The following POLA2 variants were observed in gnomAD, a reference collection of about 807,000 sequenced individuals.
POLA2 encodes the protein DNA polymerase alpha 2, accessory subunit, also known as DNA polymerase alpha subunit B.
Under a neutral mutation model 82.8 loss-of-function variants are expected in POLA2, and 47 were observed. The observed-to-expected ratio is 0.57, with a 90% CI of 0.45 to 0.72. The LOEUF (loss-of-function observed/expected upper bound fraction) is 0.72. Ranked by LOEUF, POLA2 falls within the 30% of genes least tolerant of loss-of-function variation. POLA2 has a pLI of 0.00. For synonymous variants in POLA2, 287 were observed against 286.8 expected (o/e 1.00, Z -0.01); for missense variants, 634 against 728.1 (o/e 0.87, Z 1.49).
chr11:65,287,643 A>G (rs1949711010), intron 10 of POLA2, 73 bp from the exon 11 acceptor site: 2 of 1,358,864 alleles, frequency 1.5e-6, no homozygotes, highest in African/African-American at 1.4e-5. Flanking sequence ...GGCATTTCCC[A>G]TCATTGTCCT....
At position 65,295,616 on chromosome 11, in the gene POLA2, G is replaced by A; in HGVS notation, c.1520+17G>A. The A allele has an allele frequency of 6.2e-7, 1 of 1,608,472 alleles. No homozygotes were observed. The highest frequency in any genetic ancestry group is 8.5e-7 in the Non-Finnish European group (1 of 1,175,598). ...CCAGAGGAGGTGAGCTTGCCGCTGG[G>A]ACCCCTGACTGTGGAGAGAGTGCCT... On this transcript the variant is annotated intron_variant, in intron 16 of 17. Transcript: ENST00000265465.
chr11:65,302,217 G>C (rs1023863576), downstream of POLA2, among the ~76,000 whole-genome samples: 3 of 152,234 alleles, frequency 2.0e-5, no homozygotes, highest in African/African-American at 7.2e-5. Context: ...ATCGCTCCCA[G>C]ATCTTCCCAG....
At chr11:65,291,468 C>G (rs1405315631) in intron 13 of POLA2, among the ~76,000 whole-genome samples, 1 of 152,208 alleles carries the variant, frequency 6.6e-6, no homozygotes, top group Non-Finnish European at 1.5e-5. Context: ...CTTTCCTCCC[C>G]TGCCTCCCTC....
At chr11:65,292,437 C>T (rs538542167) in intron 13 of POLA2, among the ~76,000 whole-genome samples, 1 of 152,280 alleles carries the variant, frequency 6.6e-6, no homozygotes, top group African/African-American at 2.4e-5. Context: ...CTATTTCCTC[C>T]TTAACTATTG....
rs528275866 is a variant in POLA2, at chr11:65,262,387, C to T, written c.79+16C>T. On this transcript the variant is annotated intron_variant, in intron 1 of 17. Transcript: ENST00000265465. ...ATTGAGAAATGTGAGTCCCGCACCC[C>T]TCCCGCCCTGCAGCCGTGCTCCACG... 7 of 1,602,890 alleles carry T rather than the reference C, an allele frequency of 4.4e-6. No homozygotes were observed. The South Asian group carries it at 5.6e-5, about 13-fold the overall frequency.
At chr11:65,295,488 G>T (rs1949800225) in intron 15 of POLA2, 52 bp from the exon 16 acceptor site, 1 of 1,478,448 alleles carries the variant, frequency 6.8e-7, no homozygotes, top group Non-Finnish European at 9.5e-7. Flanking sequence ...TCCCTGAAGA[G>T]AAATGGGCTG....
intron 15 of POLA2, 68 bp from the exon 16 acceptor site, chr11:65,295,472 C>A: frequency 7.6e-7 from 1 of 1,316,668 alleles, no homozygotes; most frequent in Non-Finnish European, 1.1e-6. Flanking sequence ...TTAAATTCTC[C>A]AGTCCTCCCT....
intron 10 of POLA2, among the ~76,000 whole-genome samples, chr11:65,284,833 G>T (rs888323483): frequency 6.6e-6 from 1 of 152,044 alleles, no homozygotes; most frequent in Non-Finnish European, 1.5e-5. Context: ...AACCCTCAAG[G>T]CATTTTTGTA....
At chr11:65,281,463 G>A (rs1949640352) in intron 8 of POLA2, among the ~76,000 whole-genome samples, 1 of 152,164 alleles carries the variant, frequency 6.6e-6, no homozygotes, top group African/African-American at 2.4e-5. Flanking sequence ...TTACCTCATA[G>A]GATTGTTGTG....
Position 65,281,133 on chromosome 11 carries a change from C to G in POLA2, c.886C>G (p.Leu296Val). ...TTTATCTGAGCTTAAGGAATATTCTCTGTTTCCTGGACAGGTGAGATTGGA... is the reference window on the plus strand; with the variant it reads ...TTTATCTGAGCTTAAGGAATATTCTGTGTTTCCTGGACAGGTGAGATTGGA... Reference protein sequence around the residue: ...VDLSELKEYSLFPGQVVIMEG... With the variant: ...VDLSELKEYSVFPGQVVIMEG... The change falls in exon 8 of 18, where the codon CTG becomes GTG. Residue 296 changes from leucine to valine, a missense_variant. Coordinates refer to ENST00000265465, the MANE Select transcript of POLA2 (RefSeq NM_002689.4). 1 of 1,614,104 alleles carries G rather than the reference C, an allele frequency of 6.2e-7. No individual in the cohort carries two copies. Among genetic ancestry groups the G allele is most frequent in the Non-Finnish European group, 8.5e-7 (1 of 1,179,990 alleles).
intron 7 of POLA2, 163 bp from the exon 8 acceptor site, chr11:65,280,829 A>G: frequency 1.6e-6 from 1 of 629,918 alleles, no homozygotes; most frequent in Non-Finnish European, 2.7e-6. Context: ...TTCCATCCTG[A>G]GAGTCAGTGA....
At chr11:65,278,254 G>T (rs668735) in intron 5 of POLA2, among the ~76,000 whole-genome samples, 33,988 of 152,046 alleles carry the variant, frequency 0.22, 5,178 homozygotes, top group African/African-American at 0.43. Context: ...TGATTAATTT[G>T]AATTTCATTT....
chr11:65,282,101 T>C (rs1329629410), intron 9 of POLA2, among the ~76,000 whole-genome samples: 1 of 152,230 alleles, frequency 6.6e-6, no homozygotes, highest in East Asian at 1.9e-4. Flanking sequence ...CTATCCCTGC[T>C]CTAGGCAACA....
Position 65,297,260 on chromosome 11 carries a change from C to A in POLA2, c.1788C>A (p.Val596=). The A allele has an allele frequency of 6.2e-7, 1 of 1,607,380 alleles. No individual in the cohort carries two copies. The highest frequency in any genetic ancestry group is 8.5e-7 in the Non-Finnish European group (1 of 1,176,632). The part of the protein sequence containing the change: ...RQSPCIAVQV[V]RI ...GCCCATGCATTGCTGTGCAGGTCGT[C>A]AGGATCTGAGGCTTCTGTCCTCTGC... The change falls in exon 18 of 18, where the codon GTC becomes GTA. Residue 596 remains valine, a synonymous_variant. Coordinates refer to ENST00000265465, the MANE Select transcript of POLA2 (RefSeq NM_002689.4).
chr11:65,268,690 A>G lies in POLA2; in HGVS notation c.315A>G (p.Glu105=), dbSNP rs902143158. ...SIQELIEVEE[E]EEILLNSYTT... is the part of the protein sequence containing the mutation. Reference sequence around the variant, plus strand: ...TTCTTAGAATTGAAGTGGAAGAAGAAGAGGAAATCCTCTTGAACTCTTACA... The same window carrying G: ...TTCTTAGAATTGAAGTGGAAGAAGAGGAGGAAATCCTCTTGAACTCTTACA... Residue 105 remains glutamate (E), a synonymous_variant, in exon 4 of 18, where the codon GAA becomes GAG. Transcript: ENST00000265465. 9 of 1,599,738 alleles carry G rather than the reference A, an allele frequency of 5.6e-6. No individual in the cohort carries two copies. The highest frequency in any genetic ancestry group is 2.3e-5 in the East Asian group (1 of 43,836).
chr11:65,301,506 A>G (rs1013156497), downstream of POLA2, among the ~76,000 whole-genome samples: 1 of 151,906 alleles, frequency 6.6e-6, no homozygotes, highest in Non-Finnish European at 1.5e-5. Flanking sequence ...GGGCCATTGG[A>G]ATACTGGAAG....
chr11:65,277,245 A>G (rs1043236727), intron 5 of POLA2, among the ~76,000 whole-genome samples: 3 of 148,500 alleles, frequency 2.0e-5, no homozygotes, highest in African/African-American at 5.0e-5. Flanking sequence ...TGGCACAACT[A>G]TAGCTCACTG....
At chr11:65,276,781 AC>A (rs973527467) in intron 5 of POLA2, among the ~76,000 whole-genome samples, 24 of 148,384 alleles carry the variant, frequency 1.6e-4, no homozygotes, top group Admixed American at 1.6e-3. Flanking sequence ...AGATTGTTCA[AC>A]TCTATCACTT....
At chr11:65,294,716 G>A (rs1314510604) in intron 15 of POLA2, 64 bp downstream of exon 15, 6 of 1,158,544 alleles carry the variant, frequency 5.2e-6, no homozygotes, top group Middle Eastern at 2.3e-4. Context: ...CCTTTCTGCA[G>A]CCAAGAAAAT....
Sources: allele counts gnomAD v4.1 joint callset (sites outside exome capture counted in the v4.1 genomes callset), GRCh38; gene constraint gnomAD v4.1.1; transcripts MANE v1.5; gene names NCBI Gene and HGNC (gene_info 2026-07-23, HGNC 2026-07-21).